The following RSL24D1 variants were observed in gnomAD, a reference collection of about 807,000 sequenced individuals.
The protein encoded by RSL24D1 is probable ribosome biogenesis protein RLP24.
Under a neutral mutation model 26.2 loss-of-function variants are expected in RSL24D1, and 6 were observed. The observed-to-expected ratio is 0.23, with a 90% CI of 0.13 to 0.45. The LOEUF is 0.45. Among genes scored for constraint, RSL24D1 ranks in the 20% least tolerant of loss-of-function variants. The probability of loss-of-function intolerance (pLI) is 0.99; values close to 1 mark genes in which losing one functional copy is unlikely to be tolerated. For missense variants in RSL24D1, 176 were observed against 202.6 expected (o/e 0.87, Z 0.80); for synonymous variants, 61 against 59.1 (o/e 1.03, Z -0.15).
At chr15:55,195,486 T>G (rs1254533824) in intron 1 of RSL24D1, 1 of 152,218 alleles carries the variant, frequency 6.6e-6, no homozygotes, top group Non-Finnish European at 1.5e-5. Flanking sequence ...ACACTGTCCT[T>G]ATTCTTCATC....
chr15:55,196,694 A>G, intron 1 of RSL24D1, 116 bp downstream of exon 1: 2 of 939,356 alleles, frequency 2.1e-6, no homozygotes, highest in Non-Finnish European at 3.3e-6. Flanking sequence ...TCCCAGGGGA[A>G]CAACGGGAGG....
At position 55,189,660 on chromosome 15, in the gene RSL24D1, G is replaced by A. The variant is rs923940113; in HGVS notation, c.268+1315C>T. Among the ~76,000 whole-genome samples the A allele has an allele frequency of 6.6e-5, 10 of 151,906 alleles. No homozygotes were observed. In the South Asian group the frequency reaches 2.1e-3, roughly 32 times the overall value. ...TCATTAGTGTTAGTGTATTTTCTGT[G>A]TGCCCCAAGACAATTCTTCTTCCAA... On this transcript the variant is annotated intron_variant, in intron 3 of 5. Transcript: ENST00000260443.
chr15:55,183,509 T>C (rs1894192198), intron 4 of RSL24D1, 109 bp from the exon 5 acceptor site: 1 of 721,674 alleles, frequency 1.4e-6, no homozygotes, highest in Non-Finnish European at 2.4e-6. Flanking sequence ...GCCCCACAGA[T>C]GGGGAATGGA....
At position 55,190,452 on chromosome 15, in the gene RSL24D1, CAGA is replaced by C. The variant is rs371276705; in HGVS notation, c.268+520_268+522del. ...AACTAGATATTATTGCTTTTAATTT[CAGA>C]AGATTATAACTTCATTTTTTACCTA... On this transcript the variant is annotated intron_variant, in intron 3 of 5. Coordinates refer to ENST00000260443, the MANE Select transcript of RSL24D1 (RefSeq NM_016304.3). Among the ~76,000 whole-genome samples, 65 of 152,124 alleles carry C rather than the reference CAGA, an allele frequency of 4.3e-4. No homozygotes were observed. In the East Asian group the frequency reaches 0.012, roughly 28 times the overall value.
At chr15:55,188,717 A>G (rs993600449) in intron 3 of RSL24D1, among the ~76,000 whole-genome samples, 1 of 152,252 alleles carries the variant, frequency 6.6e-6, no homozygotes, top group African/African-American at 2.4e-5. Flanking sequence ...ATGGAGGACC[A>G]TGGAACTGAT....
chr15:55,185,475 G>T, intron 3 of RSL24D1, 50 bp from the exon 4 acceptor site: 1 of 1,259,952 alleles, frequency 7.9e-7, no homozygotes. Flanking sequence ...CAAGCGGTAT[G>T]ATCAACAACT....
chr15:55,193,247 A>AAAT, intron 1 of RSL24D1, among the ~76,000 whole-genome samples: 1 of 152,312 alleles, frequency 6.6e-6, no homozygotes, highest in East Asian at 1.9e-4. Context: ...TGAAAGCACA[A>AAAT]AATAATTTCA....
intron 1 of RSL24D1, among the ~76,000 whole-genome samples, chr15:55,193,587 TA>T (rs1453357684): frequency 6.6e-6 from 1 of 152,226 alleles, no homozygotes; most frequent in East Asian, 1.9e-4. Context: ...TTATCACACC[TA>T]AAAGGTATGA....
chr15:55,196,232 C>G, intron 1 of RSL24D1: 1 of 426,826 alleles, frequency 2.3e-6, no homozygotes, highest in Admixed American at 2.6e-5. Flanking sequence ...TGCCTTTTCT[C>G]AAAATGTTCA....
chr15:55,194,830 ACACACAC>A (rs1894336744), intron 1 of RSL24D1, among the ~76,000 whole-genome samples: 1 of 151,140 alleles, frequency 6.6e-6, no homozygotes. Flanking sequence ...ACACACACAC[ACACACAC>A]AATGTTAATC....
rs747634946 is a variant in RSL24D1 at position 55,190,952 on chromosome 15, ACTGGTATTT to A, written c.268+14_268+22del. 4.6e-6 allele frequency: 7 copies of A among 1,510,818 alleles called. No homozygotes were observed. Among genetic ancestry groups the A allele is most frequent in the Non-Finnish European group, 6.4e-6 (7 of 1,093,674 alleles). The allele number at this position is 1,510,818 out of a possible 1,614,324, so 93.6% of individuals were successfully genotyped here. A position where few individuals can be genotyped will look rare whatever the true frequency, so the allele number is the denominator to read the frequency against. On this transcript the variant is annotated intron_variant, in intron 3 of 5. Transcript: ENST00000260443. The stretch of plus-strand genomic sequence containing the variant: ...CCCAAACCAGTCTCTCCTCAAAATT[ACTGGTATTT>A]CTTTGTGACTTACTAGTTTTATTCC...
rs1427261220 is a variant in RSL24D1 at position 55,196,655 on chromosome 15, T to C, written c.81+155A>G. 7 of 665,816 alleles carry C rather than the reference T, an allele frequency of 1.1e-5. No homozygotes were observed. The East Asian group carries it at 1.6e-4, about 16-fold the overall frequency. The allele number at this position is 665,816 out of a possible 1,614,324, so 41.2% of individuals were successfully genotyped here. On this transcript the variant is annotated intron_variant, in intron 1 of 5. Coordinates refer to ENST00000260443, the MANE Select transcript of RSL24D1 (RefSeq NM_016304.3). The stretch of plus-strand genomic sequence containing the variant: ...AAGGAGAAACCCCCGAAGCGGAACG[T>C]TGAGAACGGAGGCCCAGTTAAGCCA...
rs372593488 is a variant in RSL24D1, at chr15:55,181,821, C to T, written c.*331G>A. 5.0e-5 allele frequency: 10 copies of T among 201,116 alleles called. No homozygotes were observed. Among genetic ancestry groups the T allele is most frequent in the African/African-American group, 1.4e-4 (6 of 43,286 alleles). 12.5% of individuals were successfully genotyped at this position (201,116 alleles called of 1,614,324 possible). A position where few individuals can be genotyped will look rare whatever the true frequency, so the allele number is the denominator to read the frequency against. On this transcript the variant is annotated 3_prime_UTR_variant, in exon 6 of 6. Coordinates refer to ENST00000260443, the MANE Select transcript of RSL24D1 (RefSeq NM_016304.3). ...AAAGAATATTTTATTTTATACATCA[C>T]TAGCCATGAATTTTTGCCATTAGTT...
rs1004894175 is a variant in RSL24D1 at position 55,181,363 on chromosome 15, T to C, written c.*789A>G. The C allele has an allele frequency of 5.2e-5, 8 of 152,668 alleles. No homozygotes were observed. Among genetic ancestry groups the C allele is most frequent in the Non-Finnish European group, 1.0e-4 (7 of 68,046 alleles). The allele number at this position is 152,668 out of a possible 1,614,324, so 9.5% of individuals were successfully genotyped here. ...ATGTACAAATAATGAACATACGTTG[T>C]ACCCATAAATTCTACTTTCCAAAAA... On this transcript the variant is annotated 3_prime_UTR_variant, in exon 6 of 6. Transcript: ENST00000260443.
intron 3 of RSL24D1, among the ~76,000 whole-genome samples, chr15:55,187,858 AC>A (rs1405060781): frequency 2.0e-5 from 3 of 152,142 alleles, no homozygotes; most frequent in Admixed American, 6.5e-5. Flanking sequence ...AATCCATGTA[AC>A]CAAAAAAACC....
At chr15:55,183,736 T>A (rs951853414) in intron 4 of RSL24D1, among the ~76,000 whole-genome samples, 4 of 152,192 alleles carry the variant, frequency 2.6e-5, no homozygotes, top group Admixed American at 6.5e-5. Context: ...ATGTACATTT[T>A]CTTCTCTAAC....
intron 3 of RSL24D1, among the ~76,000 whole-genome samples, chr15:55,187,750 G>C (rs1330829512): frequency 6.6e-6 from 1 of 151,936 alleles, no homozygotes; most frequent in African/African-American, 2.4e-5. Flanking sequence ...AGAAGGGGGA[G>C]TGGGGTGGGG....
chr15:55,189,058 C>T (rs972637686), intron 3 of RSL24D1, among the ~76,000 whole-genome samples: 6 of 151,814 alleles, frequency 4.0e-5, no homozygotes, highest in South Asian at 2.1e-4. Context: ...CCGGGCGTGG[C>T]GGCGTGTGCC....
chr15:55,186,267 A>C (rs892086075), intron 3 of RSL24D1, among the ~76,000 whole-genome samples: 9 of 152,184 alleles, frequency 5.9e-5, no homozygotes, highest in Non-Finnish European at 1.2e-4. Context: ...TTTAAAGTGT[A>C]GTCTGTAGAT....
Sources: gnomAD v4.1 joint callset for allele counts (sites outside exome capture counted in the v4.1 genomes callset) on GRCh38, gnomAD v4.1.1 for gene constraint, MANE v1.5 for transcripts, NCBI Gene and HGNC (gene_info 2026-07-23, HGNC 2026-07-21) for gene names.